Variants in SLC24A4 observed in about 807,000 individuals in gnomAD.
SLC24A4 encodes the protein solute carrier family 24 member 4.
In SLC24A4, 53 loss-of-function variants were observed where a neutral mutation model predicts 79.0. The observed-to-expected ratio is 0.67, with a 90% confidence interval of 0.54 to 0.84. SLC24A4 has a LOEUF of 0.84. Ranked by LOEUF, SLC24A4 falls within the 40% of genes least tolerant of loss-of-function variation. SLC24A4 has a pLI of 0.00. For synonymous variants in SLC24A4, 323 were observed against 323.8 expected, an observed-to-expected ratio of 1.00 and a Z score of 0.03; for missense variants, 731 against 822.0, an observed-to-expected ratio of 0.89 and a Z score of 1.35.
chr14:92,330,831 C>T (rs1885435994), intron 2 of SLC24A4, among the ~76,000 whole-genome samples: 1 of 152,212 alleles, frequency 6.6e-6, no homozygotes, highest in Non-Finnish European at 1.5e-5. Context: ...CCTTAATTAC[C>T]TCCCAAAAGC....
intron 2 of SLC24A4, among the ~76,000 whole-genome samples, chr14:92,328,984 A>C (rs1885313768): frequency 6.6e-6 from 1 of 152,256 alleles, no homozygotes; most frequent in Non-Finnish European, 1.5e-5. Flanking sequence ...AGGCTGGATT[A>C]GAGTTTCAAG....
At chr14:92,342,052 C>G (rs1289562896) in intron 2 of SLC24A4, among the ~76,000 whole-genome samples, 4 of 152,086 alleles carry the variant, frequency 2.6e-5, no homozygotes, top group Non-Finnish European at 5.9e-5. Context: ...GAAGTTGGTA[C>G]CTAATTTGCA....
intron 2 of SLC24A4, among the ~76,000 whole-genome samples, chr14:92,338,327 G>A (rs1380867330): frequency 6.6e-6 from 1 of 152,244 alleles, no homozygotes; most frequent in Non-Finnish European, 1.5e-5. Context: ...AGTGCAAAGT[G>A]CTGTGCAAAT....
chr14:92,383,494 C>T (rs1888967381), intron 2 of SLC24A4, among the ~76,000 whole-genome samples: 1 of 152,140 alleles, frequency 6.6e-6, no homozygotes, highest in South Asian at 2.1e-4. Context: ...TGAGGTGCAG[C>T]GGGACCTCCC....
intron 12 of SLC24A4, among the ~76,000 whole-genome samples, chr14:92,472,001 C>T (rs1183943106): frequency 6.6e-6 from 1 of 152,190 alleles, no homozygotes; most frequent in Non-Finnish European, 1.5e-5. Flanking sequence ...CATCTGAGGC[C>T]TCCCTGCCTG....
At chr14:92,382,332 A>G (rs1468011075) in intron 2 of SLC24A4, among the ~76,000 whole-genome samples, 9 of 152,170 alleles carry the variant, frequency 5.9e-5, no homozygotes, top group Non-Finnish European at 1.5e-5. Flanking sequence ...CACAACTTCC[A>G]TCTCTGCCTT....
At chr14:92,367,533 G>A (rs72695108) in intron 2 of SLC24A4, among the ~76,000 whole-genome samples, 1 of 152,330 alleles carries the variant, frequency 6.6e-6, no homozygotes, top group Non-Finnish European at 1.5e-5. Flanking sequence ...ATTTGAGGTC[G>A]TGAGCTGACA....
chr14:92,481,825 A>G (rs949891096), intron 12 of SLC24A4, among the ~76,000 whole-genome samples: 1 of 152,232 alleles, frequency 6.6e-6, no homozygotes, highest in South Asian at 2.1e-4. Context: ...TAAAAATTGC[A>G]GAAGTCCTTC....
Position 92,441,430 on chromosome 14 carries a change from T to G in SLC24A4, c.394-659T>G, listed in dbSNP as rs1892487391. ...CCAGCTTAACCCTGGAACCAGTACCTCTGGGTCTTTGTGAGCCACTGGATG... is the reference window on the plus strand; with the variant it reads ...CCAGCTTAACCCTGGAACCAGTACCGCTGGGTCTTTGTGAGCCACTGGATG... On this transcript the variant is annotated intron_variant, in intron 4 of 16. Coordinates refer to ENST00000532405, the MANE Select transcript of SLC24A4 (RefSeq NM_153646.4). The surrounding 1 kb of genome is among the most constrained non-coding windows in gnomAD (Gnocchi z 4.6). Among the ~76,000 whole-genome samples the G allele has an allele frequency of 6.6e-6, 1 of 152,200 alleles. No homozygotes were observed. The highest frequency in any genetic ancestry group is 1.5e-5 in the Non-Finnish European group (1 of 68,034).
chr14:92,332,125 C>CA (rs1025523230), intron 2 of SLC24A4, among the ~76,000 whole-genome samples: 2 of 151,798 alleles, frequency 1.3e-5, no homozygotes, highest in African/African-American at 2.4e-5. Context: ...ACTAAAAATA[C>CA]AAAAAAATTA....
At chr14:92,464,154 A>G (rs1893968888) in intron 12 of SLC24A4, among the ~76,000 whole-genome samples, 2 of 152,220 alleles carry the variant, frequency 1.3e-5, no homozygotes, top group Non-Finnish European at 2.9e-5. Flanking sequence ...TATCGAAATG[A>G]AAGCAATATT....
At position 92,423,730 on chromosome 14, in the gene SLC24A4, G is replaced by C. The variant is rs904508191; in HGVS notation, c.242-10182G>C. Among the ~76,000 whole-genome samples the C allele has an allele frequency of 3.9e-5, 6 of 152,196 alleles. No individual in the cohort carries two copies. In the East Asian group the frequency reaches 1.2e-3, roughly 29 times the overall value. ...AGACTCAAAGTCAGGCAAGGGAGCC[G>C]GGAGGCTTCACAGCAGGGAAGAAAG... is the stretch of plus-strand genomic sequence containing the variant. On this transcript the variant is annotated intron_variant, in intron 2 of 16. Transcript: ENST00000532405.
chr14:92,374,583 G>C (rs529030955), intron 2 of SLC24A4, among the ~76,000 whole-genome samples: 1 of 152,320 alleles, frequency 6.6e-6, no homozygotes, highest in South Asian at 2.1e-4. Flanking sequence ...AGGGATTCCA[G>C]AAAAGTCTCT....
chr14:92,456,488 G>A lies in SLC24A4; in HGVS notation c.1135G>A (p.Val379Ile). The A allele has an allele frequency of 2.5e-6, 4 of 1,614,232 alleles. No individual in the cohort carries two copies. The highest frequency in any genetic ancestry group is 3.4e-6 in the Non-Finnish European group (4 of 1,180,044). ...GCACGAGAACATTGAGAACGGGAATGTTCCTGTGGAAAACCCCGAAGACCC... is the reference window on the plus strand; with the variant it reads ...GCACGAGAACATTGAGAACGGGAATATTCCTGTGGAAAACCCCGAAGACCC... ...GRHENIENGN[V>I]PVENPEDPQQ... is the part of the protein sequence containing the mutation. The change falls in exon 12 of 17, where the codon GTT (valine) becomes ATT (isoleucine). Residue 379 changes from valine to isoleucine, a missense_variant. Transcript: ENST00000532405.
chr14:92,477,359 T>A, intron 12 of SLC24A4, among the ~76,000 whole-genome samples: 1 of 152,250 alleles, frequency 6.6e-6, no homozygotes. Flanking sequence ...CTTTACATAT[T>A]TTGGACAATA....
intron 2 of SLC24A4, among the ~76,000 whole-genome samples, chr14:92,342,996 T>G (rs954175796): frequency 6.6e-6 from 1 of 151,550 alleles, no homozygotes; most frequent in Non-Finnish European, 1.5e-5. Flanking sequence ...TGTAGAGCTG[T>G]AGGCATTGGA....
intron 2 of SLC24A4, among the ~76,000 whole-genome samples, chr14:92,385,737 T>G (rs1351097301): frequency 6.6e-6 from 1 of 152,134 alleles, no homozygotes; most frequent in Non-Finnish European, 1.5e-5. Flanking sequence ...CTCCCCCAGC[T>G]GCCTGGGAAG....
At chr14:92,465,827 A>C (rs1441060110) in intron 12 of SLC24A4, among the ~76,000 whole-genome samples, 1 of 151,384 alleles carries the variant, frequency 6.6e-6, no homozygotes, top group Non-Finnish European at 1.5e-5. Context: ...GTCTCTCTGC[A>C]CCACCCCCAG....
At chr14:92,417,241 A>G (rs1441600746) in intron 2 of SLC24A4, among the ~76,000 whole-genome samples, 1 of 152,236 alleles carries the variant, frequency 6.6e-6, no homozygotes, top group African/African-American at 2.4e-5. Context: ...AAGAGTCCCT[A>G]TCACCTAGTG....
Sources: allele counts gnomAD v4.1 joint callset (sites outside exome capture counted in the v4.1 genomes callset), GRCh38; gene constraint gnomAD v4.1.1; non-coding constraint Gnocchi (gnomAD v3.1); transcripts MANE v1.5; gene names NCBI Gene and HGNC (gene_info 2026-07-23, HGNC 2026-07-21).